EBF3: variants seen among roughly 807,000 people sequenced by gnomAD.
EBF3 encodes the protein EBF transcription factor 3.
In EBF3, 18 loss-of-function variants were observed where a neutral mutation model predicts 77.1. The ratio of observed to expected loss-of-function variants is 0.23; its 90% CI spans 0.16 to 0.35. EBF3 has a LOEUF of 0.35. EBF3 is among the 10% of genes least tolerant of loss of function. EBF3 has a pLI of 1.00. For missense variants in EBF3, 558 were observed against 860.0 expected (o/e 0.65, Z 4.39); for synonymous variants, 350 against 343.5 (o/e 1.02, Z -0.21).
chr10:129,928,181 C>T (rs72837167), intron 6 of EBF3, among the ~76,000 whole-genome samples: 7,471 of 152,258 alleles, frequency 0.049, 263 homozygotes, highest in African/African-American at 0.094. Context: ...TGTGAACAGA[C>T]GTGTGAAGCA....
chr10:129,848,314 G>A lies in EBF3; in HGVS notation c.1128+78C>T. The A allele has an allele frequency of 7.0e-7, 1 of 1,422,406 alleles. No individual in the cohort carries two copies. Among genetic ancestry groups the A allele is most frequent in the Non-Finnish European group, 9.9e-7 (1 of 1,006,060 alleles). 88.1% of individuals were successfully genotyped at this position (1,422,406 alleles called of 1,614,324 possible). ...GAATCTGCAATCCCCCCTTCCCAGA[G>A]CACCTGCTGCCCCCAAACCAGAACC... On this transcript the variant is annotated intron_variant, in intron 11 of 16. Coordinates refer to ENST00000440978, the MANE Select transcript of EBF3 (RefSeq NM_001375380.1). The surrounding 1 kb of genome is among the most constrained non-coding windows in gnomAD (Gnocchi z 4.4).
At position 129,938,256 on chromosome 10, in the gene EBF3, G is replaced by A. The variant is rs557848282; in HGVS notation, c.554+19002C>T. Among the ~76,000 whole-genome samples, 16 of 152,110 alleles carry A rather than the reference G, an allele frequency of 1.1e-4. No homozygotes were observed. The highest frequency in any genetic ancestry group is 4.2e-4 in the South Asian group (2 of 4,812). On this transcript the variant is annotated intron_variant, in intron 6 of 16. Transcript: ENST00000440978. The surrounding 1 kb of genome is among the most constrained non-coding windows in gnomAD (Gnocchi z 5.1). ...AGTGGGTTTTTTTAAAGTTCATGGC[G>A]GGGCCGGGTGCAATGGCTCTCATCT...
chr10:129,844,825 A>G (rs1423744696), intron 11 of EBF3, among the ~76,000 whole-genome samples: 2 of 152,172 alleles, frequency 1.3e-5, no homozygotes, highest in African/African-American at 4.8e-5. Flanking sequence ...AGCTGTCTTA[A>G]TCAGGTTTCG....
chr10:129,842,357 C>T lies in EBF3; in HGVS notation c.1195-64G>A, dbSNP rs1317030745. 9.9e-6 allele frequency: 15 copies of T among 1,513,530 alleles called. 1 individual carries two copies. The East Asian group carries it at 2.1e-4, about 21-fold the overall frequency. The allele number at this position is 1,513,530 out of a possible 1,614,324, so 93.8% of individuals were successfully genotyped here. On this transcript the variant is annotated intron_variant, in intron 12 of 16. Transcript: ENST00000440978. The surrounding 1 kb of genome is among the most constrained non-coding windows in gnomAD (Gnocchi z 4.4). Reference sequence around the variant, plus strand: ...GGCCCGGCCCAGCTGGCCGCACTCTCGGGGGCCCACCATGGTGGCATCCCA... The same window carrying T: ...GGCCCGGCCCAGCTGGCCGCACTCTTGGGGGCCCACCATGGTGGCATCCCA...
At chr10:129,890,186 G>A (rs897484096) in intron 6 of EBF3, among the ~76,000 whole-genome samples, 2 of 152,108 alleles carry the variant, frequency 1.3e-5, no homozygotes, top group Admixed American at 6.5e-5. Context: ...ATCAAAATGC[G>A]AGTGGTGTCA....
chr10:129,955,975 C>A (rs1167789089), intron 6 of EBF3, among the ~76,000 whole-genome samples: 1 of 152,176 alleles, frequency 6.6e-6, no homozygotes, highest in Non-Finnish European at 1.5e-5. Flanking sequence ...ACACTAAAGA[C>A]AGATATAATT....
In EBF3 at chr10:129,963,809, T is replaced by C. The variant is rs1304344204; in HGVS notation, c.-41A>G. On this transcript the variant is annotated 5_prime_UTR_variant, in exon 1 of 17. Coordinates refer to ENST00000440978, the MANE Select transcript of EBF3 (RefSeq NM_001375380.1). This position sits in a 1 kb window ranked among gnomAD's most constrained non-coding sequence, Gnocchi z 7.1. ...CGGCCGCAGCTCCCGGCCGAAAGCGTTTCCTCGAGCAGCGGCGCTCGGGGC... is the reference window on the plus strand; with the variant it reads ...CGGCCGCAGCTCCCGGCCGAAAGCGCTTCCTCGAGCAGCGGCGCTCGGGGC... The C allele has an allele frequency of 6.7e-7, 1 of 1,482,704 alleles. No individual in the cohort carries two copies. 91.8% of individuals were successfully genotyped at this position (1,482,704 alleles called of 1,614,324 possible).
intron 6 of EBF3, among the ~76,000 whole-genome samples, chr10:129,939,861 C>A (rs1013809777): frequency 1.3e-5 from 2 of 152,240 alleles, no homozygotes; most frequent in African/African-American, 2.4e-5. Flanking sequence ...GGAGCAAAAT[C>A]TTTCTAGATA....
At chr10:129,921,106 C>T (rs1856266328) in intron 6 of EBF3, among the ~76,000 whole-genome samples, 1 of 152,186 alleles carries the variant, frequency 6.6e-6, no homozygotes, top group Non-Finnish European at 1.5e-5. Context: ...ACAAAGCAAA[C>T]AAGAGAAAAC....
At chr10:129,950,071 T>C (rs2134563141) in intron 6 of EBF3, among the ~76,000 whole-genome samples, 1 of 151,044 alleles carries the variant, frequency 6.6e-6, no homozygotes, top group Non-Finnish European at 1.5e-5. Context: ...CGGCTGGAGC[T>C]GCCTGTCTGG....
At position 129,867,834 on chromosome 10, in the gene EBF3, T is replaced by C. The variant is rs1231781965; in HGVS notation, c.860A>G (p.Asn287Ser). 2 of 1,614,114 alleles carry C rather than the reference T, an allele frequency of 1.2e-6. No individual in the cohort carries two copies. The highest frequency in any genetic ancestry group is 1.7e-6 in the Non-Finnish European group (2 of 1,180,046). The change falls in exon 9 of 17, where the codon AAC becomes AGC. Residue 287 changes from asparagine (N) to serine (S), a missense_variant. Transcript: ENST00000440978. ...TACAACTTGCAGCCCGTCAAAGAAGTTGTCGCCAATTATGATGACGGTGGC... is the reference window on the plus strand; with the variant it reads ...TACAACTTGCAGCCCGTCAAAGAAGCTGTCGCCAATTATGATGACGGTGGC... Reference protein sequence around the residue: ...GGATVIIIGDNFFDGLQVVFG... With the variant: ...GGATVIIIGDSFFDGLQVVFG...
intron 6 of EBF3, among the ~76,000 whole-genome samples, chr10:129,922,204 G>A (rs551404347): frequency 6.6e-6 from 1 of 152,296 alleles, no homozygotes; most frequent in South Asian, 2.1e-4. Context: ...CTCCAGCCAT[G>A]GCCCCCGAGC....
rs1859661257 is a variant in EBF3 at position 129,963,190 on chromosome 10, G to GGGCGCAGAGAAGTTGCCCAGC, written c.291+156_291+176dup. 8.6e-7 allele frequency: 1 copy of GGGCGCAGAGAAGTTGCCCAGC among 1,165,448 alleles called. No homozygotes were observed. The highest frequency in any genetic ancestry group is 2.5e-5 in the Admixed American group (1 of 39,524). The allele number at this position is 1,165,448 out of a possible 1,614,324, so 72.2% of individuals were successfully genotyped here. ...TTCTCCTCGCCCCGAGTAAGTCCGA[G>GGGCGCAGAGAAGTTGCCCAGC]GGCGCAGAGAAGTTGCCCAGCCCTC... On this transcript the variant is annotated intron_variant, in intron 2 of 16. Coordinates refer to ENST00000440978, the MANE Select transcript of EBF3 (RefSeq NM_001375380.1). This position sits in a 1 kb window ranked among gnomAD's most constrained non-coding sequence, Gnocchi z 7.1.
chr10:129,875,491 C>T lies in EBF3; in HGVS notation c.637-1895G>A, dbSNP rs527825013. On this transcript the variant is annotated intron_variant, in intron 7 of 16. Transcript: ENST00000440978. ...GATGACCGGCGTGAGCCACCGCGCC[C>T]GGCCGGCTTTTTCGTTTTAAATCTC... Among the ~76,000 whole-genome samples, 11 of 152,248 alleles carry T rather than the reference C, an allele frequency of 7.2e-5. No individual in the cohort carries two copies. In the South Asian group the frequency reaches 1.0e-3, roughly 14 times the overall value.
intron 16 of EBF3, among the ~76,000 whole-genome samples, 191 bp from the exon 17 acceptor site, chr10:129,838,151 G>A (rs1480989733): frequency 6.6e-6 from 1 of 152,236 alleles, no homozygotes; most frequent in East Asian, 1.9e-4. Context: ...GCACACGTGG[G>A]GACAACAACC....
chr10:129,937,181 G>A (rs897772702), intron 6 of EBF3, among the ~76,000 whole-genome samples: 6 of 152,326 alleles, frequency 3.9e-5, no homozygotes, highest in African/African-American at 1.4e-4. Context: ...ACTGGGATCA[G>A]ATGGGTGGGA....
chr10:129,935,643 G>C lies in EBF3; in HGVS notation c.554+21615C>G, dbSNP rs900127962. 6.6e-6 allele frequency among the ~76,000 whole-genome samples: 1 copy of C among 152,222 alleles called. No individual in the cohort carries two copies. The highest frequency in any genetic ancestry group is 6.5e-5 in the Admixed American group (1 of 15,288). On this transcript the variant is annotated intron_variant, in intron 6 of 16. Transcript: ENST00000440978. This position sits in a 1 kb window ranked among gnomAD's most constrained non-coding sequence, Gnocchi z 4.2. ...ATCAGGGCTGCTCATCCAGAGCCCA[G>C]AGCCTGGGCGTCCAGGGCACAGACA...
In EBF3 at chr10:129,880,949, C is replaced by T. The variant is rs542957398; in HGVS notation, c.555-3100G>A. 4.5e-4 allele frequency among the ~76,000 whole-genome samples: 68 copies of T among 152,266 alleles called. 2 individuals are homozygous for T. Among genetic ancestry groups the T allele is most frequent in the Admixed American group, 3.9e-3 (60 of 15,290 alleles). ...ACGAGGAGGTGCTCAGTGAGCCACA[C>T]GATTTCAGTGTTTGGGGAGGGGGTG... On this transcript the variant is annotated intron_variant, in intron 6 of 16. Transcript: ENST00000440978.
rs1316693831 is a variant in EBF3, at chr10:129,861,356, T to C, written c.1039+5785A>G. 2.0e-5 allele frequency among the ~76,000 whole-genome samples: 3 copies of C among 152,152 alleles called. No individual in the cohort carries two copies. The highest frequency in any genetic ancestry group is 2.0e-4 in the Admixed American group (3 of 15,284). ...AAAAAAAGTCACCCTTTGCCATCCA[T>C]ATTTAAACAAAGGACAAAAACTAAA... On this transcript the variant is annotated intron_variant, in intron 10 of 16. Coordinates refer to ENST00000440978, the MANE Select transcript of EBF3 (RefSeq NM_001375380.1). This position sits in a 1 kb window ranked among gnomAD's most constrained non-coding sequence, Gnocchi z 4.3.
Sources: gnomAD v4.1 joint callset for allele counts (sites outside exome capture counted in the v4.1 genomes callset) on GRCh38, gnomAD v4.1.1 for gene constraint, Gnocchi (gnomAD v3.1) non-coding constraint, MANE v1.5 for transcripts, NCBI Gene and HGNC (gene_info 2026-07-23, HGNC 2026-07-21) for gene names.